The following STX2 variants were observed in gnomAD, a reference collection of about 807,000 sequenced individuals.
STX2 encodes the protein syntaxin-2.
A neutral mutation model predicts 40.6 loss-of-function variants in STX2; 27 were observed. The observed-to-expected ratio is 0.66, with a 90% CI of 0.49 to 0.92. The LOEUF (loss-of-function observed/expected upper bound fraction) is 0.92. Ranked by LOEUF, STX2 falls within the 40% of genes least tolerant of loss-of-function variation. The pLI is 0.00. For missense variants in STX2, 328 were observed against 366.1 expected (o/e 0.90, Z 0.85); for synonymous variants, 123 against 119.1 (o/e 1.03, Z -0.22).
chr12:130,816,239 G>A lies in STX2; in HGVS notation c.206-3208C>T, dbSNP rs554656805. The stretch of plus-strand genomic sequence containing the variant: ...TCGGGAGACGGTCTTGAGCCACCGC[G>A]CAGCCACAGAAACCACAAGATCTGA... On this transcript the variant is annotated intron_variant, in intron 3 of 10. Transcript: ENST00000392373. Among the ~76,000 whole-genome samples the A allele has an allele frequency of 5.1e-4, 78 of 152,308 alleles. No individual in the cohort carries two copies. The South Asian group carries it at 0.013, about 25-fold the overall frequency.
rs1950832832 is a variant in STX2, at chr12:130,789,819, C to T, written c.*2204G>A. 6.6e-6 allele frequency: 1 copy of T among 152,588 alleles called. No individual in the cohort carries two copies. Among genetic ancestry groups the T allele is most frequent in the African/African-American group, 2.4e-5 (1 of 41,440 alleles). 9.5% of individuals were successfully genotyped at this position (152,588 alleles called of 1,614,324 possible). On this transcript the variant is annotated 3_prime_UTR_variant, in exon 11 of 11. Transcript: ENST00000392373. ...TCGGTACATGAGGCTTAGACATACACATCATTGGACAAGTGACTTAAATAT... is the reference window on the plus strand; with the variant it reads ...TCGGTACATGAGGCTTAGACATACATATCATTGGACAAGTGACTTAAATAT...
At chr12:130,812,367 T>TGGGGGG in intron 4 of STX2, 2 of 425,070 alleles carry the variant, frequency 4.7e-6, no homozygotes, top group Non-Finnish European at 9.4e-6. Flanking sequence ...CGGGTGCGGG[T>TGGGGGG]GGGAGCTCAT....
chr12:130,839,174 G>C lies in STX2; in HGVS notation c.-75C>G, dbSNP rs982031411. 50 of 1,128,382 alleles carry C rather than the reference G, an allele frequency of 4.4e-5. No individual in the cohort carries two copies. The African/African-American group carries it at 7.7e-4, about 17-fold the overall frequency. 69.9% of individuals were successfully genotyped at this position (1,128,382 alleles called of 1,614,324 possible). On this transcript the variant is annotated 5_prime_UTR_variant, in exon 1 of 11. Coordinates refer to ENST00000392373, the MANE Select transcript of STX2 (RefSeq NM_194356.4). Reference sequence around the variant, plus strand: ...CCTCCGGCCGGGCCTCGGGCTCTCCGGTCTCCGCCTCAGGCCCCGCGGTCC... The same window carrying C: ...CCTCCGGCCGGGCCTCGGGCTCTCCCGTCTCCGCCTCAGGCCCCGCGGTCC...
At chr12:130,818,181 A>ATATATATATAT (rs1555222320) in intron 3 of STX2, among the ~76,000 whole-genome samples, 4 of 20,172 alleles carry the variant, frequency 2.0e-4, no homozygotes, top group African/African-American at 3.6e-4. Context: ...AAAAAAAAAA[A>ATATATATATAT]AAAAATATAT....
intron 1 of STX2, among the ~76,000 whole-genome samples, chr12:130,835,391 T>C (rs1373257639): frequency 3.9e-5 from 6 of 152,248 alleles, no homozygotes; most frequent in Admixed American, 3.9e-4. Flanking sequence ...ACAGCTACTG[T>C]GTATTTATTG....
At chr12:130,804,239 C>T (rs371183994) in intron 6 of STX2, among the ~76,000 whole-genome samples, 1 of 152,154 alleles carries the variant, frequency 6.6e-6, no homozygotes, top group Non-Finnish European at 1.5e-5. Context: ...TGCCTGATGA[C>T]AGGGCTGACG....
At chr12:130,818,185 A>AAAAAAAAAAAAAAATATATATATAT in intron 3 of STX2, among the ~76,000 whole-genome samples, 1 of 70,588 alleles carries the variant, frequency 1.4e-5, no homozygotes, top group Non-Finnish European at 2.3e-5. Context: ...AAAAAAAAAA[A>AAAAAAAAAAAAAAATATATATATAT]ATATATATAT....
chr12:130,812,665 A>G (rs998567731), intron 4 of STX2: 3 of 320,620 alleles, frequency 9.4e-6, no homozygotes, highest in African/African-American at 6.6e-5. Flanking sequence ...AAAGTTTGAA[A>G]GAAATGAGCA....
chr12:130,837,820 A>G (rs1473309156), intron 1 of STX2, among the ~76,000 whole-genome samples: 1 of 152,240 alleles, frequency 6.6e-6, no homozygotes, highest in Non-Finnish European at 1.5e-5. Context: ...TTAAGATGAT[A>G]TTGATCTGCG....
At chr12:130,825,756 G>A (rs1229410548) in intron 2 of STX2, among the ~76,000 whole-genome samples, 1 of 152,084 alleles carries the variant, frequency 6.6e-6, no homozygotes, top group African/African-American at 2.4e-5. Context: ...TCAAATCCAG[G>A]CACTGCTAGG....
At chr12:130,822,700 C>T (rs532061015) in intron 2 of STX2, among the ~76,000 whole-genome samples, 3 of 152,190 alleles carry the variant, frequency 2.0e-5, no homozygotes, top group East Asian at 3.9e-4. Flanking sequence ...GCAGATGTGA[C>T]GAAACTAAGG....
intron 1 of STX2, among the ~76,000 whole-genome samples, chr12:130,828,723 C>T (rs1183389432): frequency 6.6e-6 from 1 of 151,508 alleles, no homozygotes; most frequent in East Asian, 2.0e-4. Context: ...AAAAAATTAG[C>T]CGGGCGCAGT....
At chr12:130,814,548 G>T (rs1192154132) in intron 3 of STX2, among the ~76,000 whole-genome samples, 2 of 151,618 alleles carry the variant, frequency 1.3e-5, no homozygotes, top group African/African-American at 4.8e-5. Context: ...AGCTGAGTTT[G>T]GGGCTTTTAC....
At chr12:130,815,876 T>A (rs1008812964) in intron 3 of STX2, among the ~76,000 whole-genome samples, 1 of 152,226 alleles carries the variant, frequency 6.6e-6, no homozygotes, top group African/African-American at 2.4e-5. Context: ...TTGGATATTA[T>A]ATGTTTTTTT....
At position 130,791,546 on chromosome 12, in the gene STX2, TC is replaced by T. The variant is rs1950877287; in HGVS notation, c.*476del. ...GTCTCAAAAAAAAAAAAAAAAGCCT[TC>T]ATAACATAAAGCATTCCTTCCTAAT... On this transcript the variant is annotated 3_prime_UTR_variant, in exon 11 of 11. Transcript: ENST00000392373. 1 of 162,808 alleles carries T rather than the reference TC, an allele frequency of 6.1e-6. No individual in the cohort carries two copies. The highest frequency in any genetic ancestry group is 1.3e-5 in the Non-Finnish European group (1 of 75,390). The allele number at this position is 162,808 out of a possible 1,614,324, so 10.1% of individuals were successfully genotyped here.
At chr12:130,813,366 G>C (rs989027264) in intron 3 of STX2, among the ~76,000 whole-genome samples, 1 of 152,212 alleles carries the variant, frequency 6.6e-6, no homozygotes, top group Non-Finnish European at 1.5e-5. Context: ...ACCCATGAAT[G>C]AAACTGCTGC....
rs1952817386 is a variant in STX2 at position 130,838,584 on chromosome 12, T to C, written c.30+486A>G. ...CTCCCGCTTGGTGCACAGTCCTTTG[T>C]GAAGCCCCAGGGATAAAGCAGCGAC... On this transcript the variant is annotated intron_variant, in intron 1 of 10. Coordinates refer to ENST00000392373, the MANE Select transcript of STX2 (RefSeq NM_194356.4). 1.3e-5 allele frequency among the ~76,000 whole-genome samples: 2 copies of C among 152,116 alleles called. 1 individual carries two copies. Among genetic ancestry groups the C allele is most frequent in the South Asian group, 4.1e-4 (2 of 4,830 alleles).
intron 10 of STX2, among the ~76,000 whole-genome samples, chr12:130,795,515 T>C (rs1248651882): frequency 6.6e-6 from 1 of 152,166 alleles, no homozygotes; most frequent in Non-Finnish European, 1.5e-5. Flanking sequence ...TTTGGGAGGC[T>C]GAGGGCCAGG....
intron 1 of STX2, among the ~76,000 whole-genome samples, chr12:130,831,188 T>C (rs1952543199): frequency 6.6e-6 from 1 of 152,246 alleles, no homozygotes; most frequent in Admixed American, 6.5e-5. Flanking sequence ...CTGGCTTTCT[T>C]CTGCCTGTTG....
Sources: allele counts gnomAD v4.1 joint callset (sites outside exome capture counted in the v4.1 genomes callset), GRCh38; gene constraint gnomAD v4.1.1; transcripts MANE v1.5; gene names NCBI Gene and HGNC (gene_info 2026-07-23, HGNC 2026-07-21).